The following EFNA4 variants were observed in gnomAD, a reference collection of about 807,000 sequenced individuals.
EFNA4 encodes ephrin A4.
A neutral mutation model predicts 23.7 loss-of-function variants in EFNA4; 22 were observed. That is an observed-to-expected ratio of 0.93 (90% CI 0.66 to 1.32). The LOEUF (loss-of-function observed/expected upper bound fraction) is 1.32, where lower values mean the gene tolerates loss of function less well. Among genes scored for constraint, EFNA4 ranks in the 40% most tolerant of loss-of-function variants. EFNA4 has a pLI of 0.00. For synonymous variants in EFNA4, 113 were observed against 108.3 expected, an observed-to-expected ratio of 1.04 and a Z score of -0.27; for missense variants, 252 against 252.3, an observed-to-expected ratio of 1.00 and a Z score of 0.01.
chr1:155,067,041 C>T, intron 2 of EFNA4, 25 bp downstream of exon 2: 1 of 1,581,406 alleles, frequency 6.3e-7, no homozygotes, highest in Non-Finnish European at 8.6e-7. Flanking sequence ...GCACACTGGA[C>T]ACCTCTTGTG....
Position 155,063,744 on chromosome 1 carries a change from C to A in EFNA4, c.-80C>A. 7.7e-7 allele frequency: 1 copy of A among 1,302,134 alleles called. No homozygotes were observed. The highest frequency in any genetic ancestry group is 1.5e-5 in the South Asian group (1 of 67,892). The allele number at this position is 1,302,134 out of a possible 1,614,324, so 80.7% of individuals were successfully genotyped here. A position where few individuals can be genotyped will look rare whatever the true frequency, so the allele number is the denominator to read the frequency against. ...CCACTCCCCTTTCCGCAACTTCCCT[C>A]TTCACTTTGTACCTTTCTCTCCTCG... is the stretch of plus-strand genomic sequence containing the variant. On this transcript the variant is annotated 5_prime_UTR_variant, in exon 1 of 4. Coordinates refer to ENST00000368409, the MANE Select transcript of EFNA4 (RefSeq NM_005227.3). The surrounding 1 kb of genome is among the most constrained non-coding windows in gnomAD (Gnocchi z 4.1).
At chr1:155,065,260 T>C (rs1662984068) in intron 1 of EFNA4, among the ~76,000 whole-genome samples, 1 of 152,216 alleles carries the variant, frequency 6.6e-6, no homozygotes, top group South Asian at 2.1e-4. Flanking sequence ...ATACAGGTCG[T>C]CCTTGGACCA....
chr1:155,067,846 C>G (rs1287538713), intron 3 of EFNA4, among the ~76,000 whole-genome samples: 1 of 152,138 alleles, frequency 6.6e-6, no homozygotes, highest in Non-Finnish European at 1.5e-5. Context: ...TGGTCTCGAT[C>G]TCCTGACCTT....
rs1421280494 is a variant in EFNA4 at position 155,069,146 on chromosome 1, A to G, written c.*157A>G. On this transcript the variant is annotated 3_prime_UTR_variant, in exon 4 of 4. Transcript: ENST00000368409. The stretch of plus-strand genomic sequence containing the variant: ...TCAGAGGGTCTGAGGTGACTCTTGC[A>G]GGAGCCTGTCCCCTCATCACAGGCT... The G allele has an allele frequency of 3.1e-6, 5 of 1,609,960 alleles. No individual in the cohort carries two copies. Among genetic ancestry groups the G allele is most frequent in the Admixed American group, 3.4e-5 (2 of 58,550 alleles).
At position 155,068,924 on chromosome 1, in the gene EFNA4, C is replaced by T. The variant is rs562789584; in HGVS notation, c.541C>T (p.Pro181Ser). The T allele has an allele frequency of 7.4e-6, 12 of 1,614,018 alleles. No homozygotes were observed. Among genetic ancestry groups the T allele is most frequent in the Admixed American group, 3.3e-5 (2 of 60,002 alleles). ...GTSGWRGGDT[P>S]SPLCLLLLLL... ...ATCAGGGTGGCGAGGGGGGGACACT[C>T]CCAGCCCCCTCTGTCTCTTGCTATT... is the stretch of plus-strand genomic sequence containing the variant. The change falls in exon 4 of 4, where the codon CCC (proline) becomes TCC (serine). Residue 181 changes from proline to serine, a missense_variant. Transcript: ENST00000368409.
chr1:155,063,965 A>G lies in EFNA4; in HGVS notation c.113+29A>G. The G allele has an allele frequency of 6.6e-7, 1 of 1,513,620 alleles. No homozygotes were observed. Among genetic ancestry groups the G allele is most frequent in the Non-Finnish European group, 8.9e-7 (1 of 1,128,342 alleles). The allele number at this position is 1,513,620 out of a possible 1,614,324, so 93.8% of individuals were successfully genotyped here. Reference sequence around the variant, plus strand: ...GCCGGGCCGAACCGGGCGAGCGCACAGCCAAGTCTGCGCGCTCCCGGGCTT... The same window carrying G: ...GCCGGGCCGAACCGGGCGAGCGCACGGCCAAGTCTGCGCGCTCCCGGGCTT... On this transcript the variant is annotated intron_variant, in intron 1 of 3. Transcript: ENST00000368409. The surrounding 1 kb of genome is among the most constrained non-coding windows in gnomAD (Gnocchi z 4.1).
At chr1:155,066,277 T>C (rs973454821) in intron 1 of EFNA4, among the ~76,000 whole-genome samples, 1 of 152,158 alleles carries the variant, frequency 6.6e-6, no homozygotes, top group Non-Finnish European at 1.5e-5. Context: ...TCCCAACCCC[T>C]GTTTCCACCT....
rs561720557 is a variant in EFNA4 at position 155,063,953 on chromosome 1, G to A, written c.113+17G>A. ...TAACCCCAGGTAGCCGGGCCGAACC[G>A]GGCGAGCGCACAGCCAAGTCTGCGC... On this transcript the variant is annotated intron_variant, in intron 1 of 3. Coordinates refer to ENST00000368409, the MANE Select transcript of EFNA4 (RefSeq NM_005227.3). This position sits in a 1 kb window ranked among gnomAD's most constrained non-coding sequence, Gnocchi z 4.1. The A allele has an allele frequency of 6.5e-7, 1 of 1,530,486 alleles. No homozygotes were observed. The highest frequency in any genetic ancestry group is 8.8e-7 in the Non-Finnish European group (1 of 1,139,034). The allele number at this position is 1,530,486 out of a possible 1,614,324, so 94.8% of individuals were successfully genotyped here.
chr1:155,066,178 T>C (rs1316420715), intron 1 of EFNA4, among the ~76,000 whole-genome samples: 2 of 152,200 alleles, frequency 1.3e-5, no homozygotes, highest in Non-Finnish European at 1.5e-5. Flanking sequence ...TCCCTCATTC[T>C]TTTTTTACCG....
At position 155,069,266 on chromosome 1, in the gene EFNA4, C is replaced by G. The variant is rs1663125748; in HGVS notation, c.*277C>G. ...TGCTCTGAGGGTCTCAGCCCATCCCCCAGGAGGACTGGGATTTGGTATGAT... is the reference window on the plus strand; with the variant it reads ...TGCTCTGAGGGTCTCAGCCCATCCCGCAGGAGGACTGGGATTTGGTATGAT... On this transcript the variant is annotated 3_prime_UTR_variant, in exon 4 of 4. Transcript: ENST00000368409. The G allele has an allele frequency of 1.4e-6, 2 of 1,387,788 alleles. No homozygotes were observed. The highest frequency in any genetic ancestry group is 9.6e-7 in the Non-Finnish European group (1 of 1,042,178). The allele number at this position is 1,387,788 out of a possible 1,614,324, so 86.0% of individuals were successfully genotyped here.
In EFNA4 at chr1:155,065,731, TA is replaced by T. The variant is rs1571652071; in HGVS notation, c.114-998del. ...TTATTTATTTATTTATTTATTTATT[TA>T]TTTATTTATTTATTTTTTGAGATGG... On this transcript the variant is annotated intron_variant, in intron 1 of 3. Transcript: ENST00000368409. Among the ~76,000 whole-genome samples, 6 of 145,284 alleles carry T rather than the reference TA, an allele frequency of 4.1e-5. No homozygotes were observed. The South Asian group carries it at 6.5e-4, about 16-fold the overall frequency.
At position 155,068,888 on chromosome 1, in the gene EFNA4, G is replaced by C; in HGVS notation, c.505G>C (p.Glu169Gln). The change falls in exon 4 of 4, where the codon GAG (glutamate) becomes CAG (glutamine). Residue 169 changes from glutamate to glutamine, a missense_variant. Glu to Gln is a conservative substitution (Grantham distance 29). Coordinates refer to ENST00000368409, the MANE Select transcript of EFNA4 (RefSeq NM_005227.3). The stretch of plus-strand genomic sequence containing the variant: ...AGCCCATCCTGTTGGGAGCCCTGGA[G>C]AGAGTGGCACATCAGGGTGGCGAGG... ...ESAHPVGSPG[E>Q]SGTSGWRGGD... 1 of 1,613,950 alleles carries C rather than the reference G, an allele frequency of 6.2e-7. No individual in the cohort carries two copies. The highest frequency in any genetic ancestry group is 8.5e-7 in the Non-Finnish European group (1 of 1,179,964).
rs1402072773 is a variant in EFNA4 at position 155,069,080 on chromosome 1, T to C, written c.*91T>C. ...GGATCCCTGCTGCCTGCACTGGGGGTGCCAATTCAGACCGACAAGATGGAG... is the reference window on the plus strand; with the variant it reads ...GGATCCCTGCTGCCTGCACTGGGGGCGCCAATTCAGACCGACAAGATGGAG... On this transcript the variant is annotated 3_prime_UTR_variant, in exon 4 of 4. Coordinates refer to ENST00000368409, the MANE Select transcript of EFNA4 (RefSeq NM_005227.3). 6.2e-7 allele frequency: 1 copy of C among 1,610,914 alleles called. No individual in the cohort carries two copies. The highest frequency in any genetic ancestry group is 1.7e-5 in the Admixed American group (1 of 58,868).
At chr1:155,068,427 A>ACTTT (rs1663102282) in intron 3 of EFNA4, among the ~76,000 whole-genome samples, 1 of 25,372 alleles carries the variant, frequency 3.9e-5, no homozygotes, top group Non-Finnish European at 6.2e-5. Flanking sequence ...CACCCAGCTG[A>ACTTT]TTTTTTTTTT....
intron 3 of EFNA4, among the ~76,000 whole-genome samples, chr1:155,067,995 T>TCTGCA (rs1278767067): frequency 6.6e-6 from 1 of 152,068 alleles, no homozygotes; most frequent in Admixed American, 6.6e-5. Context: ...ATCATACCTC[T>TCTGCA]CTGCAGCCTC....
In EFNA4 at chr1:155,063,865, G is replaced by T. The variant is rs111269205; in HGVS notation, c.42G>T (p.Ala14=). ...TGCTGCGGACTGTCCTCTGGGCCGC[G>T]TTCCTCGGCTCCCCTCTGCGCGGGG... The part of the protein sequence containing the change: ...LPLLRTVLWA[A]FLGSPLRGGS... Residue 14 remains alanine (A), a synonymous_variant, in exon 1 of 4, where the codon GCG becomes GCT. Coordinates refer to ENST00000368409, the MANE Select transcript of EFNA4 (RefSeq NM_005227.3). The surrounding 1 kb of genome is among the most constrained non-coding windows in gnomAD (Gnocchi z 4.1). 4 of 1,555,972 alleles carry T rather than the reference G, an allele frequency of 2.6e-6. No individual in the cohort carries two copies. Among genetic ancestry groups the T allele is most frequent in the Non-Finnish European group, 3.5e-6 (4 of 1,151,952 alleles).
intron 1 of EFNA4, 102 bp from the exon 2 acceptor site, chr1:155,066,628 A>G: frequency 7.2e-7 from 1 of 1,396,878 alleles, no homozygotes; most frequent in South Asian, 1.5e-5. Flanking sequence ...ACATGGGTGG[A>G]GGAGAGGCTG....
intron 3 of EFNA4, among the ~76,000 whole-genome samples, chr1:155,067,684 C>T (rs1169241500): frequency 1.3e-5 from 2 of 152,012 alleles, no homozygotes; most frequent in Admixed American, 6.5e-5. Context: ...TGCAGTGGCT[C>T]GATCTCAGCT....
At position 155,066,861 on chromosome 1, in the gene EFNA4, G is replaced by T; in HGVS notation, c.245G>T (p.Gly82Val). 6.2e-7 allele frequency: 1 copy of T among 1,614,084 alleles called. No homozygotes were observed. Among genetic ancestry groups the T allele is most frequent in the Non-Finnish European group, 8.5e-7 (1 of 1,180,032 alleles). ...TFALYMVDWP[G>V]YESCQAEGPR... ...GCTTTGTACATGGTGGACTGGCCAGGCTATGAGTCCTGCCAGGCAGAGGGC... is the reference window on the plus strand; with the variant it reads ...GCTTTGTACATGGTGGACTGGCCAGTCTATGAGTCCTGCCAGGCAGAGGGC... Residue 82 changes from glycine (G) to valine (V), a missense_variant, in exon 2 of 4, where the codon GGC becomes GTC. By Grantham distance (109) the Gly-to-Val change is moderately radical. Transcript: ENST00000368409.
Sources: allele counts gnomAD v4.1 joint callset (sites outside exome capture counted in the v4.1 genomes callset), GRCh38; gene constraint gnomAD v4.1.1; non-coding constraint Gnocchi (gnomAD v3.1); transcripts MANE v1.5; gene names NCBI Gene and HGNC (gene_info 2026-07-23, HGNC 2026-07-21).